MCTP1: variants seen among roughly 807,000 people sequenced by gnomAD.
MCTP1 encodes the protein multiple C2 and transmembrane domain containing 1.
A neutral mutation model predicts 120.6 loss-of-function variants in MCTP1; 69 were observed. The ratio of observed to expected loss-of-function variants is 0.57; its 90% confidence interval spans 0.47 to 0.70. MCTP1 has a LOEUF of 0.70. Ranked by LOEUF, MCTP1 falls within the 30% of genes least tolerant of loss-of-function variation. The pLI is 0.00. For synonymous variants in MCTP1, 529 were observed against 493.1 expected (o/e 1.07, Z -0.96); for missense variants, 1,203 against 1,248.8 (o/e 0.96, Z 0.55).
At chr5:94,868,210 A>G (rs1238769360) in intron 17 of MCTP1, 123 bp downstream of exon 17, 17 of 912,244 alleles carry the variant, frequency 1.9e-5, no homozygotes, top group Non-Finnish European at 2.5e-5. Context: ...TGTCCAGTCA[A>G]GTCTTAAAAT....
intron 1 of MCTP1, among the ~76,000 whole-genome samples, chr5:95,204,082 T>TG (rs930784655): frequency 6.6e-5 from 10 of 152,196 alleles, no homozygotes; most frequent in African/African-American, 1.7e-4. Context: ...GAATAATCTG[T>TG]GGGGGGCTCT....
chr5:95,123,724 A>G (rs561972340), intron 1 of MCTP1, among the ~76,000 whole-genome samples: 1 of 149,928 alleles, frequency 6.7e-6, no homozygotes, highest in African/African-American at 2.5e-5. Flanking sequence ...ATCTCGGCTC[A>G]CTGCAAGCTC....
At chr5:94,906,441 G>A (rs1178386817) in intron 10 of MCTP1, among the ~76,000 whole-genome samples, 1 of 151,992 alleles carries the variant, frequency 6.6e-6, no homozygotes, top group Non-Finnish European at 1.5e-5. Context: ...AGCCGAGGTC[G>A]CACCACTGCA....
intron 19 of MCTP1, among the ~76,000 whole-genome samples, chr5:94,742,017 T>C (rs2152753821): frequency 6.6e-6 from 1 of 152,268 alleles, no homozygotes; most frequent in Non-Finnish European, 1.5e-5. Context: ...GTCCCTACTT[T>C]ATTTCTAGAG....
rs185726730 is a variant in MCTP1, at chr5:95,170,368, T to G, written c.720+113488A>C. On this transcript the variant is annotated intron_variant, in intron 1 of 22. Coordinates refer to ENST00000515393, the MANE Select transcript of MCTP1 (RefSeq NM_024717.7). ...TTTTGGAAAAAGTGCAATGTGGTGC[T>G]TAGTAGAATGTATATTCTGTTGATT... 7.2e-5 allele frequency among the ~76,000 whole-genome samples: 11 copies of G among 152,360 alleles called. No homozygotes were observed. In the East Asian group the frequency reaches 2.1e-3, roughly 29 times the overall value.
chr5:94,907,553 G>GT (rs150493637), intron 10 of MCTP1, among the ~76,000 whole-genome samples: 28,448 of 152,022 alleles, frequency 0.19, 3,553 homozygotes, highest in African/African-American at 0.36. Context: ...CCAGCAATTT[G>GT]TACTGTTTTC....
chr5:95,211,749 C>T (rs1219971980), intron 1 of MCTP1, among the ~76,000 whole-genome samples: 1 of 152,210 alleles, frequency 6.6e-6, no homozygotes, highest in Non-Finnish European at 1.5e-5. Flanking sequence ...AGGAGAGGTG[C>T]TCTGCTTTTT....
At chr5:94,966,513 T>TG (rs995078466) in intron 2 of MCTP1, among the ~76,000 whole-genome samples, 3 of 152,030 alleles carry the variant, frequency 2.0e-5, no homozygotes, top group Non-Finnish European at 4.4e-5. Flanking sequence ...AGGATGTGGC[T>TG]GGCCGGACGC....
chr5:95,169,357 C>G (rs1322538300), intron 1 of MCTP1, among the ~76,000 whole-genome samples: 3 of 152,092 alleles, frequency 2.0e-5, no homozygotes, highest in Non-Finnish European at 2.9e-5. Context: ...CTATAATTCT[C>G]TTTTTTTGTG....
chr5:95,230,826 C>T, intron 1 of MCTP1, among the ~76,000 whole-genome samples: 1 of 152,170 alleles, frequency 6.6e-6, no homozygotes, highest in East Asian at 1.9e-4. Context: ...GTAAGAACAT[C>T]CCCACACACC....
At chr5:94,847,284 C>T (rs1792612606) in intron 17 of MCTP1, among the ~76,000 whole-genome samples, 1 of 152,122 alleles carries the variant, frequency 6.6e-6, no homozygotes, top group South Asian at 2.1e-4. Flanking sequence ...TACGTTCTGA[C>T]TAATCAATGC....
At chr5:95,174,142 G>A (rs1747690348) in intron 1 of MCTP1, among the ~76,000 whole-genome samples, 1 of 152,256 alleles carries the variant, frequency 6.6e-6, no homozygotes, top group Non-Finnish European at 1.5e-5. Flanking sequence ...TAGGGGAGGG[G>A]CATGATAACT....
intron 2 of MCTP1, among the ~76,000 whole-genome samples, chr5:95,005,413 C>A (rs905457486): frequency 1.2e-5 from 1 of 83,754 alleles, no homozygotes; most frequent in Non-Finnish European, 2.9e-5. Context: ...GTGAGAAGGA[C>A]ATGAGATTTG....
chr5:94,919,130 C>T (rs1324517909), intron 7 of MCTP1, among the ~76,000 whole-genome samples: 1 of 152,082 alleles, frequency 6.6e-6, no homozygotes, highest in African/African-American at 2.4e-5. Flanking sequence ...AAAGGCTAAT[C>T]GAGGGATTAG....
At position 94,714,774 on chromosome 5, in the gene MCTP1, CACTT is replaced by C; in HGVS notation, c.2719_2720+2del. ...ATGGGGCTCACAGGTCACCGTCACT[CACTT>C]CTTTATCCTTTCGCCAAAGGAAGCC... On this transcript the variant is annotated splice_donor_variant and coding_sequence_variant, in exon 20 of 23. Coordinates refer to ENST00000515393, the MANE Select transcript of MCTP1 (RefSeq NM_024717.7). LOFTEE classifies it high-confidence loss of function. The C allele has an allele frequency of 6.5e-7, 1 of 1,541,818 alleles. No individual in the cohort carries two copies. The highest frequency in any genetic ancestry group is 9.0e-7 in the Non-Finnish European group (1 of 1,113,984).
chr5:94,995,776 G>A (rs958367124), intron 2 of MCTP1, among the ~76,000 whole-genome samples: 1 of 152,048 alleles, frequency 6.6e-6, no homozygotes, highest in African/African-American at 2.4e-5. Flanking sequence ...TTTAGAATAA[G>A]GACTTGCAAA....
chr5:95,103,688 G>C (rs1167546560), intron 1 of MCTP1, among the ~76,000 whole-genome samples: 1 of 152,158 alleles, frequency 6.6e-6, no homozygotes, highest in African/African-American at 2.4e-5. Flanking sequence ...CAATTTTCGA[G>C]TGCCTTTCGA....
intron 19 of MCTP1, among the ~76,000 whole-genome samples, chr5:94,724,370 T>G (rs968443711): frequency 6.6e-6 from 1 of 151,376 alleles, no homozygotes; most frequent in African/African-American, 2.4e-5. Flanking sequence ...TTCAGCCTCT[T>G]GAGTAGCGGG....
intron 19 of MCTP1, among the ~76,000 whole-genome samples, chr5:94,771,109 TA>T (rs1429057857): frequency 6.6e-6 from 1 of 152,236 alleles, no homozygotes; most frequent in African/African-American, 2.4e-5. Context: ...CATTATTTTT[TA>T]CTTGTAAAAT....
Sources: gnomAD v4.1 joint callset for allele counts (sites outside exome capture counted in the v4.1 genomes callset) on GRCh38, gnomAD v4.1.1 for gene constraint, MANE v1.5 for transcripts, NCBI Gene and HGNC (gene_info 2026-07-23, HGNC 2026-07-21) for gene names.